Variants in CPA6 observed in about 807,000 individuals in gnomAD.
CPA6 encodes the protein carboxypeptidase B.
A neutral mutation model predicts 63.3 loss-of-function variants in CPA6; 58 were observed. That is an observed-to-expected ratio of 0.92 (90% CI 0.74 to 1.14). CPA6 has a LOEUF of 1.14. Ranked by LOEUF, CPA6 falls within the 50% of genes most tolerant of loss-of-function variation. The pLI, the probability that CPA6 is intolerant of heterozygous loss-of-function variation, is 0.00. For synonymous variants in CPA6, 185 were observed against 179.0 expected (o/e 1.03, Z -0.27); for missense variants, 565 against 526.6 (o/e 1.07, Z -0.71).
chr8:67,741,491 C>T (rs1282408366), intron 1 of CPA6, among the ~76,000 whole-genome samples: 2 of 152,152 alleles, frequency 1.3e-5, no homozygotes, highest in African/African-American at 2.4e-5. Context: ...GAAACCGGGC[C>T]GCACAGCAGG....
intron 8 of CPA6, among the ~76,000 whole-genome samples, chr8:67,478,377 T>C (rs1811287541): frequency 6.6e-6 from 1 of 152,178 alleles, no homozygotes; most frequent in South Asian, 2.1e-4. Flanking sequence ...CTGTGAATCA[T>C]TGTAGCAGAT....
chr8:67,684,280 A>G (rs1332374952), intron 1 of CPA6, among the ~76,000 whole-genome samples: 4 of 151,978 alleles, frequency 2.6e-5, no homozygotes, highest in Non-Finnish European at 4.4e-5. Context: ...TGTCTTACAC[A>G]TCATCAGCCA....
chr8:67,734,012 T>G (rs1313575233), intron 1 of CPA6, among the ~76,000 whole-genome samples: 1 of 151,158 alleles, frequency 6.6e-6, no homozygotes, highest in Non-Finnish European at 1.5e-5. Context: ...GTAGTGGAAG[T>G]GCAGGCATGC....
intron 2 of CPA6, among the ~76,000 whole-genome samples, chr8:67,555,861 ATAT>A (rs1813048446): frequency 1.3e-5 from 2 of 152,300 alleles, no homozygotes; most frequent in South Asian, 4.1e-4. Flanking sequence ...AACCATACGC[ATAT>A]TATATTACAT....
At chr8:67,448,387 T>C (rs532269778) in intron 8 of CPA6, among the ~76,000 whole-genome samples, 1 of 151,730 alleles carries the variant, frequency 6.6e-6, no homozygotes, top group East Asian at 1.9e-4. Context: ...AAGTTTTCCC[T>C]TGGGAGGCTG....
chr8:67,657,237 G>T (rs1402970096), intron 1 of CPA6, among the ~76,000 whole-genome samples: 2 of 152,100 alleles, frequency 1.3e-5, no homozygotes, highest in East Asian at 3.8e-4. Flanking sequence ...TATTAAAAAG[G>T]TAACTTAAAA....
chr8:67,717,288 G>C (rs1817402206), intron 1 of CPA6, among the ~76,000 whole-genome samples: 1 of 152,174 alleles, frequency 6.6e-6, no homozygotes, highest in Non-Finnish European at 1.5e-5. Context: ...AGCTGCACAG[G>C]GGAGGGAAGG....
chr8:67,488,384 AG>A (rs1811530087), intron 6 of CPA6, among the ~76,000 whole-genome samples: 1 of 152,076 alleles, frequency 6.6e-6, no homozygotes. Context: ...GTTATTTCTG[AG>A]GCCCCTGTTC....
intron 2 of CPA6, among the ~76,000 whole-genome samples, chr8:67,549,452 G>A (rs564946752): frequency 3.3e-5 from 5 of 152,166 alleles, no homozygotes; most frequent in Non-Finnish European, 7.3e-5. Flanking sequence ...ATAACCTTCT[G>A]AAGTTTCCTC....
chr8:67,713,203 C>G (rs959707830), intron 1 of CPA6, among the ~76,000 whole-genome samples: 1 of 146,102 alleles, frequency 6.8e-6, no homozygotes, highest in Admixed American at 7.0e-5. Flanking sequence ...ACATATCCCC[C>G]GTGAACAAGG....
chr8:67,684,434 G>C (rs76559085), intron 1 of CPA6, among the ~76,000 whole-genome samples: 3,411 of 152,174 alleles, frequency 0.022, 153 homozygotes, highest in African/African-American at 0.079. Context: ...GCTTCGAGGT[G>C]ATGGGGTGTA....
chr8:67,603,804 A>T (rs1162525147), intron 2 of CPA6, among the ~76,000 whole-genome samples: 1 of 152,198 alleles, frequency 6.6e-6, no homozygotes, highest in Non-Finnish European at 1.5e-5. Context: ...CCCAGATCAA[A>T]CTAAAACTGC....
rs1270576807 is a variant in CPA6 at position 67,577,874 on chromosome 8, G to A, written c.192+46302C>T. Among the ~76,000 whole-genome samples the A allele has an allele frequency of 2.6e-5, 4 of 152,122 alleles. No individual in the cohort carries two copies. The East Asian group carries it at 5.8e-4, about 22-fold the overall frequency. ...AGTAATTTCGAGTCATGTGGGATAA[G>A]AAATATGTTGCAGTCTACGAATTGT... On this transcript the variant is annotated intron_variant, in intron 2 of 10. Transcript: ENST00000297770.
At chr8:67,580,459 C>T (rs536662148) in intron 2 of CPA6, among the ~76,000 whole-genome samples, 1 of 152,040 alleles carries the variant, frequency 6.6e-6, no homozygotes, top group Non-Finnish European at 1.5e-5. Context: ...TCCAGTTTTC[C>T]TAGTTTAGAA....
intron 2 of CPA6, among the ~76,000 whole-genome samples, chr8:67,520,723 G>A (rs1435084339): frequency 6.6e-6 from 1 of 152,162 alleles, no homozygotes; most frequent in African/African-American, 2.4e-5. Flanking sequence ...GGTTCATAGA[G>A]GCTAAGTCAC....
intron 1 of CPA6, among the ~76,000 whole-genome samples, chr8:67,729,187 C>G (rs1405267863): frequency 6.6e-6 from 1 of 152,136 alleles, no homozygotes; most frequent in Non-Finnish European, 1.5e-5. Flanking sequence ...TCTGCATTGT[C>G]AATAAGATCC....
At chr8:67,559,854 T>A (rs1379254412) in intron 2 of CPA6, among the ~76,000 whole-genome samples, 6 of 118,522 alleles carry the variant, frequency 5.1e-5, no homozygotes, top group Admixed American at 1.6e-4. Context: ...TTGGACAAAA[T>A]ATATATATAT....
At chr8:67,455,663 CAAAAAAAAAAAAAAA>C (rs552041509) in intron 8 of CPA6, among the ~76,000 whole-genome samples, 338 of 30,270 alleles carry the variant, frequency 0.011, 8 homozygotes, top group Non-Finnish European at 0.014. Context: ...TCTACAAAAG[CAAAAAAAAAAAAAAA>C]AAAAAAAAAA....
intron 3 of CPA6, among the ~76,000 whole-genome samples, chr8:67,516,400 C>T (rs574916022): frequency 3.3e-5 from 5 of 152,308 alleles, no homozygotes; most frequent in South Asian, 4.1e-4. Context: ...CTGGCATCAT[C>T]GATGTCTCCC....
Sources: allele counts gnomAD v4.1 joint callset (sites outside exome capture counted in the v4.1 genomes callset), GRCh38; gene constraint gnomAD v4.1.1; transcripts MANE v1.5; gene names NCBI Gene and HGNC (gene_info 2026-07-23, HGNC 2026-07-21).